NTNG1: variants seen among roughly 807,000 people sequenced by gnomAD.
NTNG1 encodes the protein netrin-G1.
In NTNG1, 16 loss-of-function variants were observed where a neutral mutation model predicts 54.0. The observed-to-expected ratio is 0.30, with a 90% CI of 0.20 to 0.45. The LOEUF is 0.45. Ranked by LOEUF, NTNG1 falls within the 20% of genes least tolerant of loss-of-function variation. The pLI is 1.00. For synonymous variants in NTNG1, 255 were observed against 263.1 expected (o/e 0.97, Z 0.30); for missense variants, 530 against 678.7 (o/e 0.78, Z 2.43).
chr1:107,281,372 T>G (rs1175305994), intron 2 of NTNG1, among the ~76,000 whole-genome samples: 1 of 151,964 alleles, frequency 6.6e-6, no homozygotes, highest in Non-Finnish European at 1.5e-5. Context: ...TTCAGAAAAA[T>G]AATATGATTA....
intron 7 of NTNG1, among the ~76,000 whole-genome samples, chr1:107,446,567 T>C (rs1302879872): frequency 6.6e-6 from 1 of 152,098 alleles, no homozygotes; most frequent in Non-Finnish European, 1.5e-5. Flanking sequence ...CATTGCCTTT[T>C]AATATCAGAG....
At position 107,422,641 on chromosome 1, in the gene NTNG1, C is replaced by A. The variant is rs141399262; in HGVS notation, c.1088-8109C>A. On this transcript the variant is annotated intron_variant, in intron 5 of 7. Transcript: ENST00000370068. ...GGAAAAGACAAGGAAAATGCTAGAG[C>A]CTCTTAATTCCCAGAATCACTCCAT... Among the ~76,000 whole-genome samples, 504 of 152,144 alleles carry A rather than the reference C, an allele frequency of 3.3e-3. 2 individuals are homozygous for A. Among genetic ancestry groups the A allele is most frequent in the Middle Eastern group, 0.024 (7 of 294 alleles).
At chr1:107,148,040 A>G (rs1040558644) in intron 1 of NTNG1, 29 bp from the exon 2 acceptor site, 1 of 153,652 alleles carries the variant, frequency 6.5e-6, no homozygotes, top group Non-Finnish European at 1.4e-5. Flanking sequence ...TTCTGGGACA[A>G]TAACACTTAC....
Position 107,176,355 on chromosome 1 carries a change from G to T in NTNG1, c.246+27516G>T, listed in dbSNP as rs113955615. On this transcript the variant is annotated intron_variant, in intron 2 of 7. Transcript: ENST00000370068. ...AAATATGCATTTTCATAGACATGAAGAGCATACCTTTACTCTTAAGTATCT... is the reference window on the plus strand; with the variant it reads ...AAATATGCATTTTCATAGACATGAATAGCATACCTTTACTCTTAAGTATCT... 6.8e-3 allele frequency among the ~76,000 whole-genome samples: 1,040 copies of T among 152,254 alleles called. 10 individuals are homozygous for T. The highest frequency in any genetic ancestry group is 0.024 in the African/African-American group (979 of 41,550).
Position 107,403,193 on chromosome 1 carries a change from T to A in NTNG1, c.1061-4489T>A, listed in dbSNP as rs532897221. Among the ~76,000 whole-genome samples, 59 of 152,234 alleles carry A rather than the reference T, an allele frequency of 3.9e-4. No homozygotes were observed. The South Asian group carries it at 0.012, about 31-fold the overall frequency. ...TCTCACCCCCCTAATTGCAGCAGAA[T>A]ATCTTTAAAACAAACGTAAGTGGGA... On this transcript the variant is annotated intron_variant, in intron 4 of 7. Transcript: ENST00000370068.
intron 2 of NTNG1, among the ~76,000 whole-genome samples, chr1:107,161,704 C>T (rs562832933): frequency 5.1e-4 from 77 of 151,300 alleles, no homozygotes; most frequent in African/African-American, 1.8e-3. Context: ...AAAAAACCTC[C>T]ACGACTTATG....
At chr1:107,349,365 A>G (rs1183305726) in intron 3 of NTNG1, among the ~76,000 whole-genome samples, 2 of 152,118 alleles carry the variant, frequency 1.3e-5, no homozygotes, top group Admixed American at 6.6e-5. Flanking sequence ...TTCTATGCAT[A>G]TATGTAATTT....
intron 7 of NTNG1, among the ~76,000 whole-genome samples, chr1:107,467,802 A>C (rs540519515): frequency 6.6e-6 from 1 of 152,326 alleles, no homozygotes; most frequent in South Asian, 2.1e-4. Flanking sequence ...AAGAAATTTA[A>C]ATGTTTGGTC....
At chr1:107,366,683 C>T (rs1266233813) in intron 3 of NTNG1, among the ~76,000 whole-genome samples, 1 of 152,198 alleles carries the variant, frequency 6.6e-6, no homozygotes, top group East Asian at 1.9e-4. Context: ...AAAATGAAAT[C>T]TTCCACATTT....
chr1:107,306,477 G>A (rs976886857), intron 2 of NTNG1, among the ~76,000 whole-genome samples: 2 of 152,192 alleles, frequency 1.3e-5, no homozygotes, highest in African/African-American at 2.4e-5. Flanking sequence ...GAGGCCAGGC[G>A]TGGCAGCTCA....
chr1:107,287,555 C>T lies in NTNG1; in HGVS notation c.247-36727C>T, dbSNP rs566800626. Among the ~76,000 whole-genome samples, 6 of 152,250 alleles carry T rather than the reference C, an allele frequency of 3.9e-5. No individual in the cohort carries two copies. The South Asian group carries it at 6.2e-4, about 16-fold the overall frequency. Reference sequence around the variant, plus strand: ...TCGAGCCCAGGAGTTTGAGGCCAGCCTGGGCAATGTAGTGAGACCTTGGTC... The same window carrying T: ...TCGAGCCCAGGAGTTTGAGGCCAGCTTGGGCAATGTAGTGAGACCTTGGTC... On this transcript the variant is annotated intron_variant, in intron 2 of 7. Transcript: ENST00000370068.
At chr1:107,205,897 G>T (rs1473999607) in intron 2 of NTNG1, among the ~76,000 whole-genome samples, 1 of 152,042 alleles carries the variant, frequency 6.6e-6, no homozygotes, top group African/African-American at 2.4e-5. Flanking sequence ...CTTATACGTG[G>T]AATTGTACAG....
At chr1:107,212,086 A>T (rs1468303229) in intron 2 of NTNG1, among the ~76,000 whole-genome samples, 1 of 152,108 alleles carries the variant, frequency 6.6e-6, no homozygotes, top group Admixed American at 6.5e-5. Flanking sequence ...TCAGAACTAG[A>T]TATTTTTTTC....
chr1:107,447,806 A>T (rs757806036), intron 7 of NTNG1, among the ~76,000 whole-genome samples: 9 of 152,122 alleles, frequency 5.9e-5, no homozygotes, highest in Non-Finnish European at 1.2e-4. Context: ...AAGGTGACAG[A>T]AGGAGCTTCT....
intron 2 of NTNG1, among the ~76,000 whole-genome samples, chr1:107,172,186 G>C (rs570066516): frequency 6.6e-6 from 1 of 152,212 alleles, no homozygotes; most frequent in Admixed American, 6.6e-5. Context: ...AAACACTTGA[G>C]AACACTGAGA....
chr1:107,449,191 C>T (rs747312579), intron 7 of NTNG1, among the ~76,000 whole-genome samples: 5 of 151,656 alleles, frequency 3.3e-5, no homozygotes, highest in East Asian at 3.9e-4. Context: ...GAGAACAAAA[C>T]GGAAAGAATG....
At chr1:107,454,753 T>C (rs990292811) in intron 7 of NTNG1, among the ~76,000 whole-genome samples, 2 of 152,236 alleles carry the variant, frequency 1.3e-5, no homozygotes, top group Non-Finnish European at 2.9e-5. Context: ...ATCATCATCA[T>C]GGCAGGCTCT....
intron 4 of NTNG1, among the ~76,000 whole-genome samples, chr1:107,407,118 C>T (rs927920092): frequency 7.2e-5 from 11 of 152,126 alleles, no homozygotes; most frequent in Non-Finnish European, 1.5e-4. Flanking sequence ...GTTTCTATTA[C>T]AGAGTTTAAT....
In NTNG1 at chr1:107,338,522, C is replaced by T. The variant is rs140483515; in HGVS notation, c.887+13600C>T. Among the ~76,000 whole-genome samples, 210 of 151,972 alleles carry T rather than the reference C, an allele frequency of 1.4e-3. 1 individual carries two copies. The highest frequency in any genetic ancestry group is 4.7e-3 in the African/African-American group (197 of 41,496). On this transcript the variant is annotated intron_variant, in intron 3 of 7. Coordinates refer to ENST00000370068, the MANE Select transcript of NTNG1 (RefSeq NM_001113226.3). ...GACTCTTAAGTAGTAACTGGATCTA[C>T]ATGAACTTGGGATGGAAACTTACCC...
Sources: gnomAD v4.1 joint callset for allele counts (sites outside exome capture counted in the v4.1 genomes callset) on GRCh38, gnomAD v4.1.1 for gene constraint, MANE v1.5 for transcripts, NCBI Gene and HGNC (gene_info 2026-07-23, HGNC 2026-07-21) for gene names.